LGALS1: variants seen among roughly 807,000 people sequenced by gnomAD.
LGALS1 encodes the protein galectin-1.
A neutral mutation model predicts 14.4 loss-of-function variants in LGALS1; 14 were observed. That is an observed-to-expected ratio of 0.97 (90% CI 0.64 to 1.52). The LOEUF (loss-of-function observed/expected upper bound fraction) is 1.52. Among genes scored for constraint, LGALS1 ranks in the 40% most tolerant of loss-of-function variants. The probability of loss-of-function intolerance (pLI) is 0.00; values close to 1 mark genes in which losing one functional copy is unlikely to be tolerated. For synonymous variants in LGALS1, 71 were observed against 73.4 expected (o/e 0.97, Z 0.17); for missense variants, 170 against 181.4 (o/e 0.94, Z 0.36).
intron 1 of LGALS1, 145 bp downstream of exon 1, chr22:37,675,856 A>G: frequency 1.6e-6 from 1 of 644,890 alleles, no homozygotes; most frequent in East Asian, 3.3e-5. Flanking sequence ...CTCAGTGGCC[A>G]CATCTGTAAA....
rs765635524 is a variant in LGALS1, at chr22:37,677,052, C to A, written c.76C>A (p.Pro26Thr). Residue 26 changes from proline to threonine, a missense_variant, in exon 2 of 4, where the codon CCT becomes ACT. Physicochemically the swap from Pro to Thr is conservative, Grantham distance 38. Coordinates refer to ENST00000215909, the MANE Select transcript of LGALS1 (RefSeq NM_002305.4). ...ECLRVRGEVA[P>T]DAKSFVLNLG... ...CCTTCGAGTGCGAGGCGAGGTGGCT[C>A]CTGACGCTAAGAGGTGAGAAGTGAA... 2 of 1,614,022 alleles carry A rather than the reference C, an allele frequency of 1.2e-6. No individual in the cohort carries two copies. The highest frequency in any genetic ancestry group is 2.2e-5 in the East Asian group (1 of 44,874).
intron 1 of LGALS1, 50 bp from the exon 2 acceptor site, chr22:37,676,936 A>C: frequency 6.4e-7 from 1 of 1,566,306 alleles, no homozygotes. Flanking sequence ...CACTTCGAGC[A>C]GTGGAGGCCT....
At position 37,675,755 on chromosome 22, in the gene LGALS1, G is replaced by T. The variant is rs370095144; in HGVS notation, c.9+44G>T. 3.7e-5 allele frequency: 55 copies of T among 1,490,586 alleles called. No individual in the cohort carries two copies. The African/African-American group carries it at 6.6e-4, about 18-fold the overall frequency. The allele number at this position is 1,490,586 out of a possible 1,614,324, so 92.3% of individuals were successfully genotyped here. On this transcript the variant is annotated intron_variant, in intron 1 of 3. Coordinates refer to ENST00000215909, the MANE Select transcript of LGALS1 (RefSeq NM_002305.4). ...CCCCAAGGTCCAGGGGATAGGGCAG[G>T]AACTGATGGCCAGAGGAGAGCTGGG...
At chr22:37,676,646 G>A (rs1351098778) in intron 1 of LGALS1, among the ~76,000 whole-genome samples, 1 of 151,908 alleles carries the variant, frequency 6.6e-6, no homozygotes, top group Non-Finnish European at 1.5e-5. Context: ...TCCCCAGCCT[G>A]ATCCTCTCCA....
At chr22:37,678,724 A>G (rs904419574) in intron 3 of LGALS1, 70 bp downstream of exon 3, 3 of 1,433,540 alleles carry the variant, frequency 2.1e-6, no homozygotes, top group Non-Finnish European at 1.9e-6. Flanking sequence ...TGGGTTAGTG[A>G]CTAGAGACCT....
At chr22:37,675,733 C>CAA in intron 1 of LGALS1, 22 bp downstream of exon 1, 1 of 1,537,562 alleles carries the variant, frequency 6.5e-7, no homozygotes, top group Non-Finnish European at 8.8e-7. Context: ...GACCCCCCCC[C>CAA]AAGGTCCAGG....
rs2145788731 is a variant in LGALS1 at position 37,677,025 on chromosome 22, T to A, written c.49T>A (p.Cys17Ser). The A allele has an allele frequency of 1.2e-6, 2 of 1,613,982 alleles. No homozygotes were observed. The highest frequency in any genetic ancestry group is 4.5e-5 in the East Asian group (2 of 44,866). ...ASNLNLKPGE[C>S]LRVRGEVAPD... ...CAACCTGAATCTCAAACCTGGAGAG[T>A]GCCTTCGAGTGCGAGGCGAGGTGGC... The change falls in exon 2 of 4, where the codon TGC becomes AGC. Residue 17 changes from cysteine (C) to serine (S), a missense_variant. Physicochemically the swap from Cys to Ser is moderately radical, Grantham distance 112. Transcript: ENST00000215909.
intron 3 of LGALS1, among the ~76,000 whole-genome samples, chr22:37,679,368 T>G (rs1921553872): frequency 6.6e-6 from 1 of 151,084 alleles, no homozygotes; most frequent in Non-Finnish European, 1.5e-5. Context: ...GAGGCGGAGG[T>G]TGCAGTGAGC....
At chr22:37,677,773 T>G (rs1199800542) in intron 2 of LGALS1, among the ~76,000 whole-genome samples, 1 of 151,804 alleles carries the variant, frequency 6.6e-6, no homozygotes, top group Non-Finnish European at 1.5e-5. Flanking sequence ...TATTTATTTA[T>G]TATTTTATTA....
Position 37,678,650 on chromosome 22 carries a change from C to T in LGALS1, c.257C>T (p.Ala86Val). 7.3e-7 allele frequency: 1 copy of T among 1,376,514 alleles called. No individual in the cohort carries two copies. The allele number at this position is 1,376,514 out of a possible 1,614,324, so 85.3% of individuals were successfully genotyped here. The part of the protein sequence containing the change: ...AVFPFQPGSV[A>V]EVCITFDQAN... Reference sequence around the variant, plus strand: ...TTTCCCTTCCAGCCTGGAAGTGTTGCAGAGGTGGGCTGCAGACCGGAACCG... The same window carrying T: ...TTTCCCTTCCAGCCTGGAAGTGTTGTAGAGGTGGGCTGCAGACCGGAACCG... Residue 86 changes from alanine to valine, a missense_variant, in exon 3 of 4, where the codon GCA (alanine) becomes GTA (valine). Transcript: ENST00000215909.
intron 2 of LGALS1, chr22:37,677,706 C>T (rs1276760106): frequency 6.6e-6 from 1 of 152,270 alleles, no homozygotes; most frequent in African/African-American, 2.4e-5. Flanking sequence ...TCAACCAAAC[C>T]CTCAGAGGCA....
At chr22:37,677,350 G>A (rs1238298437) in intron 2 of LGALS1, 2 of 423,598 alleles carry the variant, frequency 4.7e-6, no homozygotes, top group African/African-American at 4.1e-5. Flanking sequence ...TTCCGGTCTG[G>A]GCGGGACCTG....
chr22:37,676,890 G>A (rs770652286), intron 1 of LGALS1, 96 bp from the exon 2 acceptor site: 15 of 1,259,654 alleles, frequency 1.2e-5, no homozygotes, highest in Non-Finnish European at 3.4e-6. Context: ...ATGCCGGGCG[G>A]GAACAACCCC....
At chr22:37,677,114 GC>G (rs1921457757) in intron 2 of LGALS1, 49 bp downstream of exon 2, 1 of 1,581,668 alleles carries the variant, frequency 6.3e-7, no homozygotes, top group African/African-American at 1.3e-5. Flanking sequence ...GCTTGGTCCA[GC>G]AGGGAGGGCG....
chr22:37,676,431 CCAGCCCAGCCA>C (rs1224074305), intron 1 of LGALS1, among the ~76,000 whole-genome samples: 1 of 152,228 alleles, frequency 6.6e-6, no homozygotes, highest in East Asian at 1.9e-4. Context: ...TAACCCTGAG[CCAGCCCAGCCA>C]CAGCCCGACT....
intron 1 of LGALS1, among the ~76,000 whole-genome samples, chr22:37,676,467 C>T (rs2145788340): frequency 6.6e-6 from 1 of 152,278 alleles, no homozygotes; most frequent in South Asian, 2.1e-4. Context: ...GGCTATTCTC[C>T]CTAATGCAGA....
At chr22:37,676,950 CCT>C in intron 1 of LGALS1, 34 bp from the exon 2 acceptor site, 1 of 1,611,486 alleles carries the variant, frequency 6.2e-7, no homozygotes, top group Non-Finnish European at 8.5e-7. Flanking sequence ...GAGGCCTTGT[CCT>C]CTAACCCGGC....
At chr22:37,676,274 G>GA (rs1308729119) in intron 1 of LGALS1, 1 of 152,820 alleles carries the variant, frequency 6.5e-6, no homozygotes, top group East Asian at 1.9e-4. Context: ...CTGGGAGGTT[G>GA]GGGTGGCAGG....
At position 37,675,642 on chromosome 22, in the gene LGALS1, C is replaced by G; in HGVS notation, c.-61C>G. The G allele has an allele frequency of 6.5e-7, 1 of 1,543,686 alleles. No homozygotes were observed. Among genetic ancestry groups the G allele is most frequent in the East Asian group, 2.5e-5 (1 of 40,674 alleles). ...TGGGAGCGTCCGGGGGCCCATCTCT[C>G]TCGGGTGGAGTCTTCTGACAGCTGG... On this transcript the variant is annotated 5_prime_UTR_variant, in exon 1 of 4. Coordinates refer to ENST00000215909, the MANE Select transcript of LGALS1 (RefSeq NM_002305.4).
Sources: gnomAD v4.1 joint callset for allele counts (sites outside exome capture counted in the v4.1 genomes callset) on GRCh38, gnomAD v4.1.1 for gene constraint, MANE v1.5 for transcripts, NCBI Gene and HGNC (gene_info 2026-07-23, HGNC 2026-07-21) for gene names.